The following KIAA1217 variants were observed in gnomAD, a reference collection of about 807,000 sequenced individuals.
KIAA1217 encodes sickle tail protein homolog.
Under a neutral mutation model 163.9 loss-of-function variants are expected in KIAA1217, and 88 were observed. That is an observed-to-expected ratio of 0.54 (90% CI 0.45 to 0.64). KIAA1217 has a LOEUF of 0.64. KIAA1217 is among the 30% of genes least tolerant of loss of function. The probability of loss-of-function intolerance (pLI) is 0.00; values close to 1 mark genes in which losing one functional copy is unlikely to be tolerated. For missense variants in KIAA1217, 2,372 were observed against 2,475.0 expected, an observed-to-expected ratio of 0.96 and a Z score of 0.88; for synonymous variants, 903 against 923.1, an observed-to-expected ratio of 0.98 and a Z score of 0.39.
intron 1 of KIAA1217, among the ~76,000 whole-genome samples, chr10:23,869,711 A>T (rs1840368900): frequency 6.6e-6 from 1 of 152,066 alleles, no homozygotes; most frequent in African/African-American, 2.4e-5. Flanking sequence ...AGAGTGAGTT[A>T]TGGTTGCCAC....
At chr10:23,972,485 C>T (rs1329190226) in intron 1 of KIAA1217, among the ~76,000 whole-genome samples, 4 of 152,040 alleles carry the variant, frequency 2.6e-5, no homozygotes, top group Non-Finnish European at 4.4e-5. Context: ...AGCTGGAAGC[C>T]ATCATTCTCA....
chr10:24,243,501 T>C (rs993157555), intron 2 of KIAA1217, among the ~76,000 whole-genome samples: 3 of 151,610 alleles, frequency 2.0e-5, no homozygotes, highest in African/African-American at 7.3e-5. Flanking sequence ...TCCCGCTTAA[T>C]AAGTGAGAAT....
At chr10:24,340,869 G>C (rs1010164433) in intron 2 of KIAA1217, among the ~76,000 whole-genome samples, 3 of 152,246 alleles carry the variant, frequency 2.0e-5, no homozygotes, top group African/African-American at 7.2e-5. Flanking sequence ...CAAGTGAGCA[G>C]AAATGCCTCA....
intron 1 of KIAA1217, among the ~76,000 whole-genome samples, chr10:23,820,617 G>C (rs1169668586): frequency 1.3e-5 from 2 of 152,190 alleles, no homozygotes; most frequent in Non-Finnish European, 2.9e-5. Flanking sequence ...AGAGAAGTGA[G>C]GAGGTTGCCT....
intron 1 of KIAA1217, among the ~76,000 whole-genome samples, chr10:23,818,124 C>T (rs1482329143): frequency 3.7e-5 from 5 of 135,412 alleles, no homozygotes; most frequent in South Asian, 2.2e-4. Context: ...TATATATATA[C>T]TCACACACAC....
chr10:24,026,073 AC>A (rs752764081), intron 2 of KIAA1217, among the ~76,000 whole-genome samples: 11 of 151,998 alleles, frequency 7.2e-5, no homozygotes, highest in Admixed American at 1.3e-4. Flanking sequence ...GAAATGTAGT[AC>A]CTTTTTTCAA....
chr10:23,935,988 A>G (rs1457505085), intron 1 of KIAA1217, among the ~76,000 whole-genome samples: 3 of 152,196 alleles, frequency 2.0e-5, no homozygotes, highest in Non-Finnish European at 2.9e-5. Context: ...TGCAGGACCT[A>G]ATAGGAGCCA....
chr10:24,070,385 C>T (rs1321018836), intron 2 of KIAA1217, among the ~76,000 whole-genome samples: 14 of 152,072 alleles, frequency 9.2e-5, no homozygotes, highest in Non-Finnish European at 1.6e-4. Context: ...AAACCCTACA[C>T]TTAGACATAA....
intron 2 of KIAA1217, among the ~76,000 whole-genome samples, chr10:24,100,603 T>G (rs543042823): frequency 6.6e-6 from 1 of 152,306 alleles, no homozygotes; most frequent in Non-Finnish European, 1.5e-5. Context: ...GAATGTTGCT[T>G]TTAGCAAGGC....
At chr10:24,448,052 C>A (rs1047444679) in intron 5 of KIAA1217, among the ~76,000 whole-genome samples, 1 of 152,094 alleles carries the variant, frequency 6.6e-6, no homozygotes, top group Admixed American at 6.5e-5. Context: ...ATCACTTGAA[C>A]CCCGGAGGCA....
At chr10:24,299,253 T>C (rs116774762) in intron 2 of KIAA1217, among the ~76,000 whole-genome samples, 1 of 152,298 alleles carries the variant, frequency 6.6e-6, no homozygotes, top group African/African-American at 2.4e-5. Flanking sequence ...ATTTTGAGCC[T>C]AACAACCAAC....
rs771200262 is a variant in KIAA1217 at position 24,543,246 on chromosome 10, A to G, written c.3976A>G (p.Thr1326Ala). ...KCHVSSHTRL[T>A]ESSVHDFKTE... ...TCACGTTTCCTCTCACACTAGACTA[A>G]CAGAATCAAGCGTGCATGATTTTAA... Residue 1326 changes from threonine to alanine, a missense_variant, in exon 19 of 21, where the codon ACA becomes GCA. Transcript: ENST00000376454. 16 of 1,614,080 alleles carry G rather than the reference A, an allele frequency of 9.9e-6. No individual in the cohort carries two copies. The highest frequency in any genetic ancestry group is 1.4e-5 in the Non-Finnish European group (16 of 1,180,016).
chr10:24,082,110 G>C (rs1189405653), intron 2 of KIAA1217, among the ~76,000 whole-genome samples: 1 of 152,158 alleles, frequency 6.6e-6, no homozygotes, highest in African/African-American at 2.4e-5. Flanking sequence ...GTCCCCTTTT[G>C]TAATTCAGCC....
intron 2 of KIAA1217, among the ~76,000 whole-genome samples, chr10:24,167,871 TC>T (rs1214556359): frequency 4.6e-5 from 7 of 152,178 alleles, no homozygotes; most frequent in African/African-American, 7.2e-5. Flanking sequence ...TGTTATGTCA[TC>T]CAGTGGTGGA....
chr10:24,360,095 G>A (rs747013353), intron 2 of KIAA1217, among the ~76,000 whole-genome samples: 26 of 133,016 alleles, frequency 2.0e-4, no homozygotes, highest in Non-Finnish European at 3.1e-4. Context: ...CGCCCAGGCC[G>A]GAGTACAGTG....
intron 1 of KIAA1217, among the ~76,000 whole-genome samples, chr10:23,698,220 T>C (rs894200147): frequency 6.6e-6 from 1 of 152,230 alleles, no homozygotes; most frequent in African/African-American, 2.4e-5. Context: ...CAATTTGTAA[T>C]TTGTGAATAG....
intron 6 of KIAA1217, among the ~76,000 whole-genome samples, chr10:24,490,440 A>G (rs1178591352): frequency 6.6e-6 from 1 of 152,206 alleles, no homozygotes; most frequent in East Asian, 1.9e-4. Context: ...CACACTTCCT[A>G]ACATTTCATC....
intron 1 of KIAA1217, among the ~76,000 whole-genome samples, chr10:23,797,955 T>C (rs983568996): frequency 1.3e-5 from 2 of 152,184 alleles, no homozygotes; most frequent in African/African-American, 4.8e-5. Flanking sequence ...AACAATAGAT[T>C]GTAAGATCTT....
At chr10:24,058,492 C>T (rs778692440) in intron 2 of KIAA1217, among the ~76,000 whole-genome samples, 5 of 152,130 alleles carry the variant, frequency 3.3e-5, no homozygotes, top group African/African-American at 4.8e-5. Flanking sequence ...AGTATGAACA[C>T]TTTAACAATA....
Sources: allele counts gnomAD v4.1 joint callset (sites outside exome capture counted in the v4.1 genomes callset), GRCh38; gene constraint gnomAD v4.1.1; transcripts MANE v1.5; gene names NCBI Gene and HGNC (gene_info 2026-07-23, HGNC 2026-07-21).